DIP2C: variants seen among roughly 807,000 people sequenced by gnomAD.
DIP2C encodes the protein DIP2 acetate--CoA ligase C (putative).
DIP2C carries 33 observed loss-of-function variants against 192.4 expected under a neutral mutation model. The observed-to-expected ratio is 0.17, with a 90% CI of 0.13 to 0.23. DIP2C has a LOEUF of 0.23. DIP2C is among the 10% of genes least tolerant of loss of function. The probability of loss-of-function intolerance (pLI) is 1.00; values close to 1 mark genes in which losing one functional copy is unlikely to be tolerated. For missense variants in DIP2C, 1,537 were observed against 2,110.1 expected, an observed-to-expected ratio of 0.73 and a Z score of 5.32; for synonymous variants, 979 against 864.1, an observed-to-expected ratio of 1.13 and a Z score of -2.33.
intron 17 of DIP2C, among the ~76,000 whole-genome samples, chr10:371,415 C>G (rs1293169330): frequency 6.6e-6 from 1 of 152,164 alleles, no homozygotes; most frequent in African/African-American, 2.4e-5. Flanking sequence ...GTTGAGCCAC[C>G]GTAAGCCAGG....
At position 652,523 on chromosome 10, in the gene DIP2C, TC is replaced by T. The variant is rs371440015; in HGVS notation, c.85+36970del. The T allele has an allele frequency of 9.7e-5, 15 of 154,418 alleles. No homozygotes were observed. The highest frequency in any genetic ancestry group is 3.1e-4 in the African/African-American group (13 of 41,492). 9.6% of individuals were successfully genotyped at this position (154,418 alleles called of 1,614,324 possible). ...CCACAGCCTCAGGCCACCTGTCTCA[TC>T]CGTGACCGAGAAACGGAGCTGCAGT... On this transcript the variant is annotated intron_variant, in intron 1 of 36. Transcript: ENST00000280886. The surrounding 1 kb of genome is among the most constrained non-coding windows in gnomAD (Gnocchi z 4.5).
chr10:288,293 T>TA (rs1271664024), intron 33 of DIP2C, 71 bp downstream of exon 33: 2 of 1,415,646 alleles, frequency 1.4e-6, no homozygotes, highest in Non-Finnish European at 1.9e-6. Context: ...ATACATTTCC[T>TA]AAAATTTCAA....
At chr10:534,633 G>A (rs963630640) in intron 1 of DIP2C, among the ~76,000 whole-genome samples, 4 of 151,606 alleles carry the variant, frequency 2.6e-5, no homozygotes, top group Non-Finnish European at 5.9e-5. Context: ...ACCCTCCCAG[G>A]CTGTCATCTT....
intron 1 of DIP2C, among the ~76,000 whole-genome samples, chr10:500,581 C>T (rs1275076101): frequency 2.6e-5 from 4 of 152,192 alleles, no homozygotes; most frequent in African/African-American, 4.8e-5. Context: ...GGACAGAGTA[C>T]ATAAAACAGA....
intron 2 of DIP2C, among the ~76,000 whole-genome samples, chr10:478,552 C>A (rs1451389551): frequency 6.6e-6 from 1 of 150,932 alleles, no homozygotes; most frequent in Non-Finnish European, 1.5e-5. Context: ...GGTGTAGACA[C>A]ATCCAAATTC....
At chr10:459,378 C>T (rs112144191) in intron 3 of DIP2C, among the ~76,000 whole-genome samples, 1 of 151,958 alleles carries the variant, frequency 6.6e-6, no homozygotes, top group South Asian at 2.1e-4. Flanking sequence ...CCAGAGGACA[C>T]GGGACCGGGA....
chr10:329,226 G>A (rs1957394894), intron 30 of DIP2C, among the ~76,000 whole-genome samples: 1 of 152,150 alleles, frequency 6.6e-6, no homozygotes, highest in South Asian at 2.1e-4. Flanking sequence ...TTTACATTCT[G>A]GTTCGTTACT....
intron 1 of DIP2C, among the ~76,000 whole-genome samples, chr10:553,803 G>GT (rs1365289459): frequency 1.3e-5 from 2 of 151,916 alleles, no homozygotes; most frequent in African/African-American, 4.8e-5. Context: ...GCTTGTAACT[G>GT]TAAGAGTGGC....
At position 544,293 on chromosome 10, in the gene DIP2C, CTGAG is replaced by C. The variant is rs1848164925; in HGVS notation, c.86-57767_86-57764del. Among the ~76,000 whole-genome samples, 9 of 152,366 alleles carry C rather than the reference CTGAG, an allele frequency of 5.9e-5. No homozygotes were observed. The East Asian group carries it at 1.7e-3, about 29-fold the overall frequency. On this transcript the variant is annotated intron_variant, in intron 1 of 36. Transcript: ENST00000280886. Reference sequence around the variant, plus strand: ...CATGTTCTTTTGTTCCTTTTTACGGCTGAGTGATACTCCATTGTGTGCAAATTTT... The same window carrying C: ...CATGTTCTTTTGTTCCTTTTTACGGCTGATACTCCATTGTGTGCAAATTTT...
intron 3 of DIP2C, among the ~76,000 whole-genome samples, chr10:463,753 C>T (rs1291228080): frequency 6.6e-6 from 1 of 152,104 alleles, no homozygotes; most frequent in African/African-American, 2.4e-5. Flanking sequence ...ATAGACAAGG[C>T]TACAGTAACC....
At chr10:439,990 GAAT>G (rs952681428) in intron 4 of DIP2C, among the ~76,000 whole-genome samples, 14 of 152,150 alleles carry the variant, frequency 9.2e-5, no homozygotes, top group African/African-American at 2.9e-4. Flanking sequence ...ACTGTCACAT[GAAT>G]AATGTTGGAA....
intron 1 of DIP2C, among the ~76,000 whole-genome samples, chr10:637,679 C>CA (rs1854915532): frequency 6.6e-6 from 1 of 152,206 alleles, no homozygotes; most frequent in East Asian, 1.9e-4. Context: ...ACAAACATTA[C>CA]AAAAGCCCAT....
At chr10:303,673 G>A (rs563736391) in intron 32 of DIP2C, among the ~76,000 whole-genome samples, 38 of 152,004 alleles carry the variant, frequency 2.5e-4, no homozygotes, top group Non-Finnish European at 4.7e-4. Context: ...ACAGGCATGC[G>A]CCACCACGCC....
At chr10:475,157 C>T (rs1231619745) in intron 2 of DIP2C, among the ~76,000 whole-genome samples, 1 of 152,180 alleles carries the variant, frequency 6.6e-6, no homozygotes, top group East Asian at 1.9e-4. Context: ...CTCCAGATAA[C>T]ACACATGGCT....
intron 1 of DIP2C, among the ~76,000 whole-genome samples, chr10:509,119 G>A (rs1845835962): frequency 6.6e-6 from 1 of 152,156 alleles, no homozygotes; most frequent in Non-Finnish European, 1.5e-5. Flanking sequence ...TTCCTGGCAA[G>A]GACACTCACG....
intron 1 of DIP2C, among the ~76,000 whole-genome samples, chr10:573,939 G>C (rs996512994): frequency 2.6e-5 from 4 of 152,200 alleles, no homozygotes; most frequent in African/African-American, 9.7e-5. Context: ...AGACTAGAGC[G>C]TGACAGGACT....
At chr10:557,905 GAA>G (rs1564198044) in intron 1 of DIP2C, among the ~76,000 whole-genome samples, 1 of 97,578 alleles carries the variant, frequency 1.0e-5, no homozygotes, top group African/African-American at 4.7e-5. Context: ...GGCAGGCGGG[GAA>G]GGGGGCGGGG....
intron 32 of DIP2C, among the ~76,000 whole-genome samples, chr10:296,783 C>G (rs1955774472): frequency 6.7e-6 from 1 of 150,226 alleles, no homozygotes. Context: ...CAAACTATCA[C>G]AAGGACAGAA....
chr10:321,308 A>C (rs938115795), intron 31 of DIP2C, among the ~76,000 whole-genome samples: 4 of 152,246 alleles, frequency 2.6e-5, no homozygotes, highest in African/African-American at 9.6e-5. Context: ...TCCTGCAGTC[A>C]TAACACTCAT....
Sources: gnomAD v4.1 joint callset for allele counts (sites outside exome capture counted in the v4.1 genomes callset) on GRCh38, gnomAD v4.1.1 for gene constraint, Gnocchi (gnomAD v3.1) non-coding constraint, MANE v1.5 for transcripts, NCBI Gene and HGNC (gene_info 2026-07-23, HGNC 2026-07-21) for gene names.